Variants in CSMD1 observed in about 807,000 individuals in gnomAD.
The protein encoded by CSMD1 is CUB and Sushi multiple domains 1.
CSMD1 carries 213 observed loss-of-function variants against 417.5 expected under a neutral mutation model. The observed-to-expected ratio is 0.51, with a 90% CI of 0.46 to 0.57. CSMD1 has a LOEUF of 0.57. CSMD1 is among the 20% of genes least tolerant of loss of function. CSMD1 has a pLI of 0.00. For synonymous variants in CSMD1, 2,862 were observed against 1,736.8 expected (o/e 1.65, Z -16.11); for missense variants, 6,923 against 4,529.7 (o/e 1.53, Z -15.17).
intron 5 of CSMD1, among the ~76,000 whole-genome samples, chr8:3,773,458 T>G (rs931659096): frequency 6.6e-6 from 1 of 152,038 alleles, no homozygotes; most frequent in Non-Finnish European, 1.5e-5. Context: ...GGCTAATTAT[T>G]GTATTTTTTG....
At chr8:4,100,336 G>C (rs116431278) in intron 3 of CSMD1, among the ~76,000 whole-genome samples, 6 of 152,034 alleles carry the variant, frequency 3.9e-5, no homozygotes, top group Admixed American at 2.6e-4. Context: ...TGAATGCCTC[G>C]TGACTTCTAG....
At chr8:3,347,420 G>A (rs1325222293) in intron 22 of CSMD1, among the ~76,000 whole-genome samples, 1 of 152,188 alleles carries the variant, frequency 6.6e-6, no homozygotes, top group Non-Finnish European at 1.5e-5. Context: ...CATCAATATT[G>A]AGATTCTGTC....
intron 2 of CSMD1, among the ~76,000 whole-genome samples, chr8:4,633,652 G>A (rs1371550820): frequency 3.3e-5 from 5 of 152,050 alleles, no homozygotes; most frequent in African/African-American, 1.2e-4. Flanking sequence ...CATTTCCCAG[G>A]TTCAAGTGAT....
At chr8:3,224,759 G>A (rs1258710330) in intron 27 of CSMD1, among the ~76,000 whole-genome samples, 1 of 152,180 alleles carries the variant, frequency 6.6e-6, no homozygotes, top group African/African-American at 2.4e-5. Flanking sequence ...TAATAGGCAA[G>A]CCAGTTTTTG....
chr8:3,044,895 G>C (rs1418839634), intron 50 of CSMD1, among the ~76,000 whole-genome samples: 3 of 152,074 alleles, frequency 2.0e-5, no homozygotes, highest in African/African-American at 7.2e-5. Flanking sequence ...ATCATACAAA[G>C]GAATGAGCCC....
chr8:3,498,258 TGTATTTATATTGCTATATCAAGGTGTGGA>T (rs1428861043), intron 10 of CSMD1, among the ~76,000 whole-genome samples: 3 of 152,232 alleles, frequency 2.0e-5, no homozygotes, highest in African/African-American at 7.2e-5. Flanking sequence ...TTTTTTATTA[TGTATTTATATTGCTATATCAAGGTGTGGA>T]TATTTTGGAG....
chr8:3,420,395 G>A (rs1291138908), intron 12 of CSMD1, among the ~76,000 whole-genome samples: 1 of 151,362 alleles, frequency 6.6e-6, no homozygotes, highest in Admixed American at 6.6e-5. Context: ...GGATCTGGGT[G>A]GTTCCTGGGA....
At chr8:3,494,827 A>T (rs956045501) in intron 10 of CSMD1, among the ~76,000 whole-genome samples, 1 of 152,206 alleles carries the variant, frequency 6.6e-6, no homozygotes, top group South Asian at 2.1e-4. Context: ...TTAGAATGAA[A>T]CAGAAATTCT....
rs529093067 is a variant in CSMD1, at chr8:3,969,456, G to A, written c.818+28447C>T. 2.6e-5 allele frequency among the ~76,000 whole-genome samples: 4 copies of A among 152,092 alleles called. No individual in the cohort carries two copies. The East Asian group carries it at 5.8e-4, about 22-fold the overall frequency. ...ATGGGTGGTCATGGTCACTAGTGTT[G>A]TTTAAGATCCTGGTCTATAAGTTTG... On this transcript the variant is annotated intron_variant, in intron 5 of 69. Coordinates refer to ENST00000635120, the MANE Select transcript of CSMD1 (RefSeq NM_033225.6).
At chr8:4,069,321 C>T (rs1452273488) in intron 3 of CSMD1, among the ~76,000 whole-genome samples, 1 of 152,140 alleles carries the variant, frequency 6.6e-6, no homozygotes, top group East Asian at 1.9e-4. Flanking sequence ...AACTGAAAGT[C>T]AACAAAATTC....
At chr8:3,261,304 T>G (rs1162449404) in intron 26 of CSMD1, among the ~76,000 whole-genome samples, 1 of 152,190 alleles carries the variant, frequency 6.6e-6, no homozygotes, top group African/African-American at 2.4e-5. Context: ...GAAAATTATT[T>G]GGCAGTTAAA....
chr8:3,052,156 TC>T (rs1811860178), intron 50 of CSMD1, among the ~76,000 whole-genome samples: 1 of 152,188 alleles, frequency 6.6e-6, no homozygotes, highest in Non-Finnish European at 1.5e-5. Flanking sequence ...TGTCTCAATT[TC>T]CTCTAGATTT....
intron 3 of CSMD1, among the ~76,000 whole-genome samples, chr8:4,359,732 T>A (rs932636533): frequency 6.6e-6 from 1 of 152,214 alleles, no homozygotes; most frequent in Admixed American, 6.5e-5. Context: ...CACTGTGGCC[T>A]GGCCCACTTC....
chr8:4,642,140 G>A (rs1336275941), intron 1 of CSMD1, among the ~76,000 whole-genome samples: 1 of 152,196 alleles, frequency 6.6e-6, no homozygotes, highest in Non-Finnish European at 1.5e-5. Flanking sequence ...CTGCAAGATG[G>A]GCAAGTGCTC....
chr8:4,123,258 G>C (rs959796552), intron 3 of CSMD1, among the ~76,000 whole-genome samples: 7 of 152,170 alleles, frequency 4.6e-5, no homozygotes, highest in African/African-American at 1.4e-4. Context: ...AAATGATACA[G>C]GCTTTGTAGC....
chr8:4,675,519 T>G (rs1805623327), intron 1 of CSMD1, among the ~76,000 whole-genome samples: 1 of 152,092 alleles, frequency 6.6e-6, no homozygotes, highest in Non-Finnish European at 1.5e-5. Flanking sequence ...AAGACTGTAA[T>G]GGAGGGACAA....
intron 3 of CSMD1, among the ~76,000 whole-genome samples, chr8:4,101,346 G>A (rs537206032): frequency 6.6e-6 from 1 of 152,146 alleles, no homozygotes; most frequent in Non-Finnish European, 1.5e-5. Flanking sequence ...CAAATGGGCA[G>A]CCCTAACCAA....
At chr8:4,987,772 T>C (rs779815855) in intron 1 of CSMD1, among the ~76,000 whole-genome samples, 1 of 152,198 alleles carries the variant, frequency 6.6e-6, no homozygotes, top group Non-Finnish European at 1.5e-5. Flanking sequence ...GCTCATCAAC[T>C]GTCATCTTGG....
chr8:4,670,325 G>A (rs1430798520), intron 1 of CSMD1, among the ~76,000 whole-genome samples: 1 of 152,048 alleles, frequency 6.6e-6, no homozygotes, highest in Non-Finnish European at 1.5e-5. Flanking sequence ...GGGAATAGCT[G>A]ACTTTGTCTT....
Sources: gnomAD v4.1 joint callset for allele counts (sites outside exome capture counted in the v4.1 genomes callset) on GRCh38, gnomAD v4.1.1 for gene constraint, MANE v1.5 for transcripts, NCBI Gene and HGNC (gene_info 2026-07-23, HGNC 2026-07-21) for gene names.